C1orf21: variants seen among roughly 807,000 people sequenced by gnomAD.
C1orf21 encodes chromosome 1 open reading frame 21.
C1orf21 carries 3 observed loss-of-function variants against 18.7 expected under a neutral mutation model. That is an observed-to-expected ratio of 0.16 (90% CI 0.07 to 0.42). C1orf21 has a LOEUF of 0.42. C1orf21 is among the 10% of genes least tolerant of loss of function. The pLI, the probability that C1orf21 is intolerant of heterozygous loss-of-function variation, is 0.99. For missense variants in C1orf21, 104 were observed against 143.6 expected (o/e 0.72, Z 1.41); for synonymous variants, 41 against 46.4 (o/e 0.88, Z 0.47).
At chr1:184,420,796 T>C (rs749766229) in intron 1 of C1orf21, among the ~76,000 whole-genome samples, 4 of 152,180 alleles carry the variant, frequency 2.6e-5, no homozygotes, top group Non-Finnish European at 4.4e-5. Context: ...TTTCTAAATA[T>C]TTTTAAGCCC....
chr1:184,416,997 A>T (rs781315582), intron 1 of C1orf21, among the ~76,000 whole-genome samples: 51 of 152,208 alleles, frequency 3.4e-4, no homozygotes, highest in Non-Finnish European at 6.9e-4. Context: ...GAATTAGGCC[A>T]GTTTAGTGAC....
At chr1:184,580,009 C>T (rs1173901694) in intron 3 of C1orf21, among the ~76,000 whole-genome samples, 5 of 152,150 alleles carry the variant, frequency 3.3e-5, no homozygotes, top group Non-Finnish European at 7.4e-5. Context: ...TCTGGTGAAG[C>T]TTTCTGGGGC....
intron 1 of C1orf21, among the ~76,000 whole-genome samples, chr1:184,409,235 A>G (rs1656295243): frequency 6.6e-6 from 1 of 152,236 alleles, no homozygotes; most frequent in Non-Finnish European, 1.5e-5. Flanking sequence ...TGAGAGGCCC[A>G]GAAAATCTGC....
chr1:184,484,295 C>T (rs190970540), intron 2 of C1orf21, among the ~76,000 whole-genome samples: 8 of 152,202 alleles, frequency 5.3e-5, no homozygotes, highest in African/African-American at 1.9e-4. Flanking sequence ...CCTGCATCTT[C>T]GCTGCTCTAG....
chr1:184,395,830 G>A lies in C1orf21; in HGVS notation c.-125+8462G>A, dbSNP rs533143117. 3.9e-5 allele frequency among the ~76,000 whole-genome samples: 6 copies of A among 152,178 alleles called. No individual in the cohort carries two copies. The South Asian group carries it at 1.2e-3, about 32-fold the overall frequency. ...CCCCAACATCGAGGAGTCATAAAAG[G>A]TATCACAGAGAGGGATATATTTGGA... On this transcript the variant is annotated intron_variant, in intron 1 of 5. Coordinates refer to ENST00000235307, the MANE Select transcript of C1orf21 (RefSeq NM_030806.4).
At chr1:184,565,296 A>T (rs1227343510) in intron 3 of C1orf21, among the ~76,000 whole-genome samples, 2 of 152,236 alleles carry the variant, frequency 1.3e-5, no homozygotes, top group Non-Finnish European at 2.9e-5. Context: ...AGGTACTTGC[A>T]CTATCTTACT....
intron 3 of C1orf21, among the ~76,000 whole-genome samples, chr1:184,577,947 GTTTTTGTTTTT>G (rs1456502728): frequency 5.8e-5 from 5 of 86,722 alleles, no homozygotes; most frequent in African/African-American, 2.8e-4. Flanking sequence ...TTTTTGTTTT[GTTTTTGTTTTT>G]TTTTTTTTTT....
intron 3 of C1orf21, among the ~76,000 whole-genome samples, chr1:184,551,825 G>A (rs370937183): frequency 6.6e-6 from 1 of 151,966 alleles, no homozygotes; most frequent in East Asian, 1.9e-4. Context: ...TGGACAATGT[G>A]GTAAGACCAC....
intron 3 of C1orf21, among the ~76,000 whole-genome samples, chr1:184,511,986 C>T (rs1658156327): frequency 6.6e-6 from 1 of 152,166 alleles, no homozygotes; most frequent in Admixed American, 6.5e-5. Flanking sequence ...CTTGGGTAGG[C>T]ACACAGAGCC....
intron 1 of C1orf21, among the ~76,000 whole-genome samples, chr1:184,422,122 A>G (rs1656555448): frequency 6.6e-6 from 1 of 152,200 alleles, no homozygotes; most frequent in Non-Finnish European, 1.5e-5. Context: ...GTGGGTCAAG[A>G]TGGCTAGAGA....
chr1:184,580,937 CTT>C (rs1659266318), intron 3 of C1orf21, among the ~76,000 whole-genome samples: 1 of 151,958 alleles, frequency 6.6e-6, no homozygotes, highest in African/African-American at 2.4e-5. Context: ...TTTTTCCTCT[CTT>C]GAATTTAGAT....
intron 3 of C1orf21, chr1:184,566,429 C>G (rs754079277): frequency 5.7e-6 from 1 of 175,384 alleles, no homozygotes; most frequent in Non-Finnish European, 1.2e-5. Context: ...CTGCCGTGTT[C>G]AGCACAGTCC....
At chr1:184,469,717 A>G (rs1032683067) in intron 1 of C1orf21, among the ~76,000 whole-genome samples, 1 of 152,160 alleles carries the variant, frequency 6.6e-6, no homozygotes, top group Non-Finnish European at 1.5e-5. Flanking sequence ...AGAGTTGCAC[A>G]TTTTGCTGTA....
chr1:184,427,707 T>G (rs1367540519), intron 1 of C1orf21, among the ~76,000 whole-genome samples: 1 of 152,212 alleles, frequency 6.6e-6, no homozygotes, highest in East Asian at 1.9e-4. Context: ...CTCCAAAATA[T>G]AGGTTGAAGT....
At chr1:184,542,193 C>A (rs940068187) in intron 3 of C1orf21, among the ~76,000 whole-genome samples, 1 of 152,094 alleles carries the variant, frequency 6.6e-6, no homozygotes. Flanking sequence ...GAACATCCTA[C>A]CAGATGTGGG....
At chr1:184,398,458 C>T (rs776987462) in intron 1 of C1orf21, among the ~76,000 whole-genome samples, 4 of 152,168 alleles carry the variant, frequency 2.6e-5, no homozygotes, top group Non-Finnish European at 5.9e-5. Flanking sequence ...CCCCCTTCCT[C>T]GTACACTCCT....
At chr1:184,476,939 C>T (rs1436689011) in intron 1 of C1orf21, among the ~76,000 whole-genome samples, 2 of 152,112 alleles carry the variant, frequency 1.3e-5, no homozygotes, top group African/African-American at 4.8e-5. Context: ...GCTGGGAGGG[C>T]TGGCTTCAGG....
chr1:184,449,238 C>T (rs1657082075), intron 1 of C1orf21, among the ~76,000 whole-genome samples: 1 of 150,660 alleles, frequency 6.6e-6, no homozygotes, highest in Non-Finnish European at 1.5e-5. Flanking sequence ...TGTGATGTCC[C>T]CCTTCCTGTG....
chr1:184,590,448 C>A (rs1659421543), intron 3 of C1orf21, among the ~76,000 whole-genome samples: 1 of 152,166 alleles, frequency 6.6e-6, no homozygotes, highest in African/African-American at 2.4e-5. Flanking sequence ...ATCTTCTGTT[C>A]TTTGATTCAT....
Sources: gnomAD v4.1 joint callset for allele counts (sites outside exome capture counted in the v4.1 genomes callset) on GRCh38, gnomAD v4.1.1 for gene constraint, MANE v1.5 for transcripts, NCBI Gene and HGNC (gene_info 2026-07-23, HGNC 2026-07-21) for gene names.